The following SBNO1 variants were observed in gnomAD, a reference collection of about 807,000 sequenced individuals.
The protein encoded by SBNO1 is strawberry notch homolog 1.
Under a neutral mutation model 173.6 loss-of-function variants are expected in SBNO1, and 23 were observed. The ratio of observed to expected loss-of-function variants is 0.13; its 90% CI spans 0.10 to 0.19. SBNO1 has a LOEUF of 0.19. Among genes scored for constraint, SBNO1 ranks in the 10% least tolerant of loss-of-function variants. The pLI is 1.00. For missense variants in SBNO1, 1,238 were observed against 1,671.2 expected (o/e 0.74, Z 4.52); for synonymous variants, 632 against 571.5 (o/e 1.11, Z -1.51).
At chr12:123,301,939 TG>T (rs1486209626) in intron 30 of SBNO1, among the ~76,000 whole-genome samples, 25 of 148,878 alleles carry the variant, frequency 1.7e-4, no homozygotes, top group East Asian at 6.3e-4. Flanking sequence ...GGCGAAAAAG[TG>T]GTTTGTTTTT....
At chr12:123,304,817 A>G (rs1022673588) in intron 28 of SBNO1, 98 bp from the exon 29 acceptor site, 9 of 839,302 alleles carry the variant, frequency 1.1e-5, no homozygotes, top group African/African-American at 1.0e-4. Context: ...ATTTGAGACT[A>G]TAACACTAAG....
At chr12:123,353,078 G>A (rs1416131699) in intron 1 of SBNO1, among the ~76,000 whole-genome samples, 1 of 152,094 alleles carries the variant, frequency 6.6e-6, no homozygotes, top group Non-Finnish European at 1.5e-5. Flanking sequence ...GATTAGAGGC[G>A]TGCACCACCG....
chr12:123,321,835 G>A, intron 16 of SBNO1, 103 bp from the exon 17 acceptor site: 1 of 961,106 alleles, frequency 1.0e-6, no homozygotes, highest in African/African-American at 1.6e-5. Flanking sequence ...AAAGTGCAGA[G>A]GAAAAGTATT....
rs1337050289 is a variant in SBNO1, at chr12:123,333,042, T to G, written c.909+1011A>C. On this transcript the variant is annotated intron_variant, in intron 7 of 31. Transcript: ENST00000602398. ...GGGAGGCTGAGGCAGAAGAATGGCA[T>G]GAACCTGGGAGGCGGAGGTTCCAGT... Among the ~76,000 whole-genome samples the G allele has an allele frequency of 2.0e-5, 3 of 152,000 alleles. No homozygotes were observed. In the East Asian group the frequency reaches 5.8e-4, roughly 29 times the overall value.
In SBNO1 at chr12:123,315,368, T is replaced by C. The variant is rs1376411240; in HGVS notation, c.3120+5A>G. 1 of 1,602,790 alleles carries C rather than the reference T, an allele frequency of 6.2e-7. No individual in the cohort carries two copies. The highest frequency in any genetic ancestry group is 8.5e-7 in the Non-Finnish European group (1 of 1,170,258). On this transcript the variant is annotated splice_donor_5th_base_variant and intron_variant, in intron 23 of 31. Transcript: ENST00000602398. Reference sequence around the variant, plus strand: ...TTTTCAGAGATACTGAAAATTGAAATGTACCTTATTATCAAAGTTGAACCT... The same window carrying C: ...TTTTCAGAGATACTGAAAATTGAAACGTACCTTATTATCAAAGTTGAACCT...
chr12:123,357,432 G>C (rs1874588596), intron 1 of SBNO1, among the ~76,000 whole-genome samples: 1 of 151,432 alleles, frequency 6.6e-6, no homozygotes, highest in Non-Finnish European at 1.5e-5. Context: ...CTGGGCGACA[G>C]AGTGGGACTC....
chr12:123,304,055 T>C (rs1315957587), intron 29 of SBNO1, among the ~76,000 whole-genome samples: 1 of 149,744 alleles, frequency 6.7e-6, no homozygotes, highest in African/African-American at 2.4e-5. Flanking sequence ...CTCAGCCTCC[T>C]GAGTAACTGG....
At chr12:123,332,679 G>C (rs2139009408) in intron 7 of SBNO1, among the ~76,000 whole-genome samples, 1 of 152,154 alleles carries the variant, frequency 6.6e-6, no homozygotes, top group African/African-American at 2.4e-5. Context: ...TGATTCTCCT[G>C]ACTTAGCTTC....
intron 25 of SBNO1, 93 bp from the exon 26 acceptor site, chr12:123,309,949 A>G (rs549916823): frequency 2.0e-6 from 2 of 980,614 alleles, no homozygotes; most frequent in African/African-American, 1.6e-5. Flanking sequence ...TTCTCTTCTA[A>G]AAGTCTTCCT....
intron 25 of SBNO1, among the ~76,000 whole-genome samples, chr12:123,310,430 C>T (rs1288527423): frequency 1.3e-5 from 2 of 152,056 alleles, no homozygotes; most frequent in African/African-American, 4.8e-5. Context: ...GACAGGGTTC[C>T]ACCATCTTGG....
Position 123,359,380 on chromosome 12 carries a change from T to C in SBNO1, c.-1+5321A>G, listed in dbSNP as rs117658033. ...GCCAACATATACACTGGCCAACATATACATATATGTCTCTACTAAATACAC... is the reference window on the plus strand; with the variant it reads ...GCCAACATATACACTGGCCAACATACACATATATGTCTCTACTAAATACAC... On this transcript the variant is annotated intron_variant, in intron 1 of 31. Coordinates refer to ENST00000602398, the MANE Select transcript of SBNO1 (RefSeq NM_001167856.3). 3.9e-3 allele frequency among the ~76,000 whole-genome samples: 589 copies of C among 151,574 alleles called. 2 individuals are homozygous for C. The highest frequency in any genetic ancestry group is 0.031 in the East Asian group (156 of 5,098).
At chr12:123,325,414 G>A in intron 15 of SBNO1, 88 bp downstream of exon 15, 1 of 898,812 alleles carries the variant, frequency 1.1e-6, no homozygotes, top group Non-Finnish European at 1.8e-6. Flanking sequence ...TGAAACAAAA[G>A]TTTTGTCTCC....
In SBNO1 at chr12:123,309,328, G is replaced by T. The variant is rs765684286; in HGVS notation, c.3612C>A (p.Gly1204=). The change falls in exon 28 of 32, where the codon GGC becomes GGA. Residue 1204 remains glycine (G), a synonymous_variant. Coordinates refer to ENST00000602398, the MANE Select transcript of SBNO1 (RefSeq NM_001167856.3). The part of the protein sequence containing the change: ...IWAELTGPDD[G]FYLSLQIRNN... ...GTCGTACTTGCAATGACAAGTAAAA[G>T]CCATCGTCTGGTCCTGTCAGCTCAG... is the stretch of plus-strand genomic sequence containing the variant. 7.4e-6 allele frequency: 12 copies of T among 1,613,658 alleles called. No individual in the cohort carries two copies. The highest frequency in any genetic ancestry group is 9.3e-6 in the Non-Finnish European group (11 of 1,179,700).
chr12:123,362,889 C>T (rs947035688), intron 1 of SBNO1, among the ~76,000 whole-genome samples: 3 of 151,268 alleles, frequency 2.0e-5, no homozygotes, highest in African/African-American at 7.3e-5. Context: ...AGCTGCCTCC[C>T]AACATGGTGA....
intron 28 of SBNO1, among the ~76,000 whole-genome samples, chr12:123,305,536 G>A (rs1286922206): frequency 6.6e-6 from 1 of 152,060 alleles, no homozygotes; most frequent in African/African-American, 2.4e-5. Flanking sequence ...ACAAGGGCGC[G>A]ATCTCGGCTC....
intron 26 of SBNO1, 48 bp downstream of exon 26, chr12:123,309,662 C>T (rs1173620711): frequency 1.2e-5 from 19 of 1,604,438 alleles, no homozygotes; most frequent in Non-Finnish European, 1.6e-5. Flanking sequence ...TTTCTCCACT[C>T]CACATTTTCC....
At chr12:123,310,926 C>T in intron 25 of SBNO1, 129 bp downstream of exon 25, 1 of 672,244 alleles carries the variant, frequency 1.5e-6, no homozygotes, top group Non-Finnish European at 2.6e-6. Context: ...ACACATACCC[C>T]ACAGCAGCCA....
chr12:123,302,875 T>A lies in SBNO1; in HGVS notation c.3794A>T (p.His1265Leu). ...KKVVSDDALM[H>L]WLDQYNSSAD... is the part of the protein sequence containing the mutation. ...AGATGAATTATACTGATCTAACCAG[T>A]GCATCAGGGCATCATCTGAGACGAC... Residue 1265 changes from histidine (H) to leucine (L), a missense_variant, in exon 30 of 32, where the codon CAC becomes CTC. His to Leu is a moderately conservative substitution (Grantham distance 99). Transcript: ENST00000602398. 1 of 1,613,364 alleles carries A rather than the reference T, an allele frequency of 6.2e-7. No individual in the cohort carries two copies. Among genetic ancestry groups the A allele is most frequent in the African/African-American group, 1.3e-5 (1 of 75,042 alleles).
intron 1 of SBNO1, among the ~76,000 whole-genome samples, chr12:123,351,777 G>A (rs1378113320): frequency 6.6e-6 from 1 of 152,098 alleles, no homozygotes; most frequent in East Asian, 1.9e-4. Flanking sequence ...AGAAAGAAGG[G>A]GAAATGGAAT....
Sources: allele counts gnomAD v4.1 joint callset (sites outside exome capture counted in the v4.1 genomes callset), GRCh38; gene constraint gnomAD v4.1.1; transcripts MANE v1.5; gene names NCBI Gene and HGNC (gene_info 2026-07-23, HGNC 2026-07-21).